PRKAR1B: variants seen among roughly 807,000 people sequenced by gnomAD.
The protein encoded by PRKAR1B is protein kinase cAMP-dependent type I regulatory subunit beta.
Under a neutral mutation model 46.5 loss-of-function variants are expected in PRKAR1B, and 22 were observed. The observed-to-expected ratio is 0.47, with a 90% CI of 0.34 to 0.68. The LOEUF is 0.68. Among genes scored for constraint, PRKAR1B ranks in the 30% least tolerant of loss-of-function variants. PRKAR1B has a pLI of 0.01. For synonymous variants in PRKAR1B, 259 were observed against 217.7 expected, an observed-to-expected ratio of 1.19 and a Z score of -1.67; for missense variants, 445 against 535.6, an observed-to-expected ratio of 0.83 and a Z score of 1.67.
chr7:673,064 A>AAAC (rs1786363405), intron 4 of PRKAR1B, among the ~76,000 whole-genome samples: 1 of 139,194 alleles, frequency 7.2e-6, no homozygotes, highest in East Asian at 2.0e-4. Context: ...AAAAAAAAAA[A>AAAC]AAAAAAAAAA....
At chr7:652,849 G>C (rs370444881) in intron 4 of PRKAR1B, among the ~76,000 whole-genome samples, 1 of 152,210 alleles carries the variant, frequency 6.6e-6, no homozygotes, top group South Asian at 2.1e-4. Flanking sequence ...AGAGTGCCTT[G>C]ACAAAAAAAT....
chr7:636,586 C>T (rs1429213072), intron 4 of PRKAR1B, among the ~76,000 whole-genome samples: 1 of 152,228 alleles, frequency 6.6e-6, no homozygotes, highest in Non-Finnish European at 1.5e-5. Flanking sequence ...TCCTTTCTGA[C>T]AGCCAATGCT....
At chr7:611,631 T>C (rs1361483065) in intron 4 of PRKAR1B, among the ~76,000 whole-genome samples, 2 of 152,258 alleles carry the variant, frequency 1.3e-5, no homozygotes, top group African/African-American at 4.8e-5. Flanking sequence ...GGAGACCACA[T>C]GTTCCTTGCA....
intron 4 of PRKAR1B, among the ~76,000 whole-genome samples, chr7:658,314 T>C (rs905068437): frequency 3.3e-5 from 5 of 152,052 alleles, no homozygotes; most frequent in African/African-American, 9.7e-5. Context: ...TGCACACCTG[T>C]AGTTCCAGCT....
Position 602,326 on chromosome 7 carries a change from G to A in PRKAR1B, c.549+3867C>T, listed in dbSNP as rs1285191975. Among the ~76,000 whole-genome samples the A allele has an allele frequency of 6.6e-6, 1 of 152,222 alleles. No homozygotes were observed. Among genetic ancestry groups the A allele is most frequent in the Non-Finnish European group, 1.5e-5 (1 of 68,024 alleles). ...GTCCTGCTGGAAGGACGGAGGGAAGGGAGATGCCTCACTGAGTCCAGAGGT... is the reference window on the plus strand; with the variant it reads ...GTCCTGCTGGAAGGACGGAGGGAAGAGAGATGCCTCACTGAGTCCAGAGGT... On this transcript the variant is annotated intron_variant, in intron 6 of 10. Transcript: ENST00000537384. The surrounding 1 kb of genome is among the most constrained non-coding windows in gnomAD (Gnocchi z 6.4).
intron 8 of PRKAR1B, among the ~76,000 whole-genome samples, chr7:580,063 C>T (rs1225667715): frequency 3.3e-5 from 5 of 151,944 alleles, no homozygotes; most frequent in African/African-American, 1.2e-4. Context: ...GAGATCTCGT[C>T]TCTACAAAAA....
chr7:670,160 G>A (rs774915026), intron 4 of PRKAR1B, among the ~76,000 whole-genome samples: 5 of 152,182 alleles, frequency 3.3e-5, no homozygotes, highest in South Asian at 2.1e-4. Flanking sequence ...GAGCCACCGC[G>A]CCCAGCCCCA....
intron 2 of PRKAR1B, among the ~76,000 whole-genome samples, chr7:698,713 T>C (rs1266355643): frequency 6.6e-6 from 1 of 152,014 alleles, no homozygotes; most frequent in East Asian, 1.9e-4. Context: ...CAGCTATGCA[T>C]CTGGGTAAGT....
intron 4 of PRKAR1B, among the ~76,000 whole-genome samples, chr7:640,454 AG>A (rs1385377173): frequency 6.6e-6 from 1 of 152,170 alleles, no homozygotes; most frequent in African/African-American, 2.4e-5. Flanking sequence ...TTAGTCATTC[AG>A]GAAATGTGAA....
chr7:698,620 G>A (rs1211364999), intron 2 of PRKAR1B, among the ~76,000 whole-genome samples: 1 of 151,894 alleles, frequency 6.6e-6, no homozygotes, highest in East Asian at 1.9e-4. Context: ...TTAAGTACAT[G>A]TGTGAGCGTG....
intron 2 of PRKAR1B, among the ~76,000 whole-genome samples, chr7:681,770 C>A (rs1292165643): frequency 6.6e-6 from 1 of 152,236 alleles, no homozygotes; most frequent in Non-Finnish European, 1.5e-5. Flanking sequence ...GTCCCCAGCT[C>A]TTCAGCCACT....
At chr7:710,207 C>T (rs1245381996) in intron 2 of PRKAR1B, among the ~76,000 whole-genome samples, 1 of 152,188 alleles carries the variant, frequency 6.6e-6, no homozygotes, top group Non-Finnish European at 1.5e-5. Context: ...CACTCAAAGG[C>T]AGATCTTAGC....
chr7:690,780 T>C (rs1779369180), intron 2 of PRKAR1B, among the ~76,000 whole-genome samples: 1 of 151,894 alleles, frequency 6.6e-6, no homozygotes, highest in South Asian at 2.1e-4. Flanking sequence ...GCCTGATGCC[T>C]GGGGCTGTAA....
At chr7:589,289 C>T (rs1031422399) in intron 7 of PRKAR1B, among the ~76,000 whole-genome samples, 1 of 151,870 alleles carries the variant, frequency 6.6e-6, no homozygotes, top group African/African-American at 2.4e-5. Flanking sequence ...CACCGCTCCA[C>T]GGGTGCCATG....
chr7:567,457 TCACTATCAC>T (rs1225690149), intron 9 of PRKAR1B, among the ~76,000 whole-genome samples: 1 of 148,952 alleles, frequency 6.7e-6, no homozygotes, highest in African/African-American at 2.5e-5. Context: ...ACCTCCATCA[TCACTATCAC>T]CATCATCACC....
Position 711,496 on chromosome 7 carries a change from G to C in PRKAR1B, c.10C>G (p.Pro4Ala). The change falls in exon 2 of 11, where the codon CCG (proline) becomes GCG (alanine). Residue 4 changes from proline to alanine, a missense_variant. Transcript: ENST00000537384. MASPPACPSEEDES... is the reference protein window; with the variant it reads MASAPACPSEEDES... The stretch of plus-strand genomic sequence containing the variant: ...TCCTCCTCCGAGGGGCAGGCGGGCG[G>C]GGAGGCCATGGCGAGGGTGGCTGCT... 6.2e-7 allele frequency: 1 copy of C among 1,613,598 alleles called. No homozygotes were observed. The highest frequency in any genetic ancestry group is 1.3e-5 in the African/African-American group (1 of 75,058).
intron 4 of PRKAR1B, among the ~76,000 whole-genome samples, chr7:610,277 C>G (rs1782400270): frequency 6.6e-6 from 1 of 152,196 alleles, no homozygotes; most frequent in Admixed American, 6.5e-5. Context: ...GAAACCCTTC[C>G]TGGGAGGTTT....
chr7:583,437 C>T (rs992455923), intron 8 of PRKAR1B, among the ~76,000 whole-genome samples: 4 of 56,076 alleles, frequency 7.1e-5, no homozygotes, highest in East Asian at 3.5e-4. Context: ...CACACACCCA[C>T]AGTGCACACT....
intron 2 of PRKAR1B, chr7:691,941 C>T (rs1031866315): frequency 2.5e-6 from 2 of 804,768 alleles, no homozygotes; most frequent in Non-Finnish European, 3.2e-6. Context: ...CATCCCCAGG[C>T]TGAATCACTG....
Sources: gnomAD v4.1 joint callset for allele counts (sites outside exome capture counted in the v4.1 genomes callset) on GRCh38, gnomAD v4.1.1 for gene constraint, Gnocchi (gnomAD v3.1) non-coding constraint, MANE v1.5 for transcripts, NCBI Gene and HGNC (gene_info 2026-07-23, HGNC 2026-07-21) for gene names.